Variants in NCOR2 observed in about 807,000 individuals in gnomAD.
The protein encoded by NCOR2 is nuclear receptor corepressor 2.
NCOR2 carries 81 observed loss-of-function variants against 262.9 expected under a neutral mutation model. The observed-to-expected ratio is 0.31, with a 90% CI of 0.26 to 0.37. NCOR2 has a LOEUF of 0.37. Among genes scored for constraint, NCOR2 ranks in the 10% least tolerant of loss-of-function variants. The pLI, the probability that NCOR2 is intolerant of heterozygous loss-of-function variation, is 1.00. For synonymous variants in NCOR2, 1,659 were observed against 1,559.3 expected (o/e 1.06, Z -1.51); for missense variants, 3,385 against 3,621.4 (o/e 0.93, Z 1.68).
rs537783080 is a variant in NCOR2 at position 124,523,138 on chromosome 12, C to A, written c.-118+12427G>T. Among the ~76,000 whole-genome samples the A allele has an allele frequency of 6.6e-6, 1 of 152,232 alleles. No homozygotes were observed. The highest frequency in any genetic ancestry group is 2.4e-5 in the African/African-American group (1 of 41,462). ...GACCACGTTGGCTAAGGGAAGCCAACGGTACTCCAGGGCTGTTTTTCTGCA... is the reference window on the plus strand; with the variant it reads ...GACCACGTTGGCTAAGGGAAGCCAAAGGTACTCCAGGGCTGTTTTTCTGCA... On this transcript the variant is annotated intron_variant, in intron 1 of 46. Coordinates refer to the NCOR2 transcript ENST00000404621. This position sits in a 1 kb window ranked among gnomAD's most constrained non-coding sequence, Gnocchi z 4.0.
intron 5 of NCOR2, among the ~76,000 whole-genome samples, chr12:124,458,782 C>T (rs1276089043): frequency 6.6e-6 from 1 of 152,156 alleles, no homozygotes; most frequent in East Asian, 1.9e-4. Context: ...GCAGGACCAC[C>T]CCTAGGCTTG....
intron 33 of NCOR2, among the ~76,000 whole-genome samples, chr12:124,342,636 G>A (rs1218967290): frequency 6.6e-6 from 1 of 152,156 alleles, no homozygotes; most frequent in Non-Finnish European, 1.5e-5. Flanking sequence ...CCAAAGTGCT[G>A]GGATTACAGG....
Position 124,332,508 on chromosome 12 carries a change from G to A in NCOR2, c.6756-41C>T, listed in dbSNP as rs375628700. ...ACCTCACATCAGCTCACTTGGTGCC[G>A]AGCTTGCATGCCTTTGATGATGGGG... On this transcript the variant is annotated intron_variant, in intron 42 of 46. Transcript: ENST00000405201. 1.1e-4 allele frequency: 184 copies of A among 1,612,942 alleles called. 1 individual carries two copies. The highest frequency in any genetic ancestry group is 4.0e-4 in the East Asian group (18 of 44,848).
At chr12:124,380,051 T>A (rs1007637553) in intron 17 of NCOR2, among the ~76,000 whole-genome samples, 2 of 152,194 alleles carry the variant, frequency 1.3e-5, no homozygotes, top group African/African-American at 4.8e-5. Flanking sequence ...AAGCCACCGG[T>A]CTGTGGTACT....
chr12:124,354,472 C>A lies in NCOR2; in HGVS notation c.3589+6G>T. The A allele has an allele frequency of 6.5e-7, 1 of 1,527,218 alleles. No homozygotes were observed. The highest frequency in any genetic ancestry group is 1.3e-5 in the South Asian group (1 of 79,776). The allele number at this position is 1,527,218 out of a possible 1,614,324, so 94.6% of individuals were successfully genotyped here. On this transcript the variant is annotated splice_donor_region_variant and intron_variant, in intron 26 of 46. Coordinates refer to ENST00000405201, the Ensembl canonical transcript of NCOR2. Reference sequence around the variant, plus strand: ...TGCTGGGGGCCCAGGGCAGAAGGGCCCTCACCTCTCAGCACGGACGCCTCC... The same window carrying A: ...TGCTGGGGGCCCAGGGCAGAAGGGCACTCACCTCTCAGCACGGACGCCTCC...
chr12:124,404,789 C>T (rs1191577176), intron 13 of NCOR2, among the ~76,000 whole-genome samples: 7 of 152,294 alleles, frequency 4.6e-5, no homozygotes, highest in East Asian at 3.9e-4. Flanking sequence ...TTCTATGGGC[C>T]GGCTCCTGGC....
At chr12:124,372,697 C>T (rs970396514) in intron 19 of NCOR2, 87 bp from the exon 22 acceptor site, 18 of 1,209,538 alleles carry the variant, frequency 1.5e-5, no homozygotes, top group Middle Eastern at 2.5e-4. Context: ...CCGGATGAGG[C>T]CGCTCTGTCG....
intron 1 of NCOR2, among the ~76,000 whole-genome samples, chr12:124,508,566 G>A (rs1229150113): frequency 1.3e-5 from 2 of 152,170 alleles, no homozygotes; most frequent in Non-Finnish European, 2.9e-5. Context: ...GGGGGTGACC[G>A]CAGCTCAGCC....
At chr12:124,383,644 C>T (rs533107030) in intron 17 of NCOR2, 36 of 198,076 alleles carry the variant, frequency 1.8e-4, no homozygotes, top group Admixed American at 3.0e-4. Context: ...GTCGCCCTCC[C>T]GGAGCGCTGC....
Position 124,483,883 on chromosome 12 carries a change from G to C in NCOR2, c.234-110C>G. On this transcript the variant is annotated intron_variant, in intron 2 of 46. Coordinates refer to ENST00000405201, the Ensembl canonical transcript of NCOR2. The surrounding 1 kb of genome is among the most constrained non-coding windows in gnomAD (Gnocchi z 6.3). ...ATCTACTGCGCGCCGTGCTCTGTAT[G>C]ATCCTGCCAGGAAGGTGCTCACAGG... The C allele has an allele frequency of 7.8e-7, 1 of 1,288,848 alleles. No individual in the cohort carries two copies. The highest frequency in any genetic ancestry group is 1.0e-6 in the Non-Finnish European group (1 of 978,370). 79.8% of individuals were successfully genotyped at this position (1,288,848 alleles called of 1,614,324 possible). A position where few individuals can be genotyped will look rare whatever the true frequency, so the allele number is the denominator to read the frequency against.
intron 1 of NCOR2, among the ~76,000 whole-genome samples, chr12:124,507,119 T>C (rs2049090725): frequency 1.3e-5 from 2 of 152,182 alleles, no homozygotes; most frequent in African/African-American, 2.4e-5. Flanking sequence ...CACTGTGCGA[T>C]TCCACTCGTA....
rs1479797817 is a variant in NCOR2 at position 124,473,657 on chromosome 12, C to T, written c.412-526G>A. ...GACTAATGTAGTTGCCAACTTTTTG[C>T]CTGCTGCCATCCATGTAAGATGTGA... On this transcript the variant is annotated intron_variant, in intron 3 of 46. Coordinates refer to ENST00000405201, the Ensembl canonical transcript of NCOR2. 5.9e-5 allele frequency among the ~76,000 whole-genome samples: 9 copies of T among 152,244 alleles called. No individual in the cohort carries two copies. In the East Asian group the frequency reaches 1.7e-3, roughly 29 times the overall value.
intron 44 of NCOR2, chr12:124,329,243 T>C: frequency 4.6e-6 from 2 of 437,714 alleles, no homozygotes; most frequent in South Asian, 3.3e-5. Flanking sequence ...GGGTGGATCA[T>C]CTGACGTCAG....
chr12:124,402,629 G>C, intron 13 of NCOR2, 68 bp from the exon 16 acceptor site: 1 of 1,538,856 alleles, frequency 6.5e-7, no homozygotes, highest in East Asian at 2.4e-5. Context: ...GTGAATCTCT[G>C]CACCTGGGCT....
At chr12:124,499,942 A>G (rs1242999), upstream of NCOR2, among the ~76,000 whole-genome samples, 39,068 of 151,980 alleles carry the variant, frequency 0.26, 5,341 homozygotes, top group Non-Finnish European at 0.3. Context: ...GGGCAGGTGG[A>G]TGAAAGTCAG....
At chr12:124,394,662 G>A (rs559545470) in intron 16 of NCOR2, among the ~76,000 whole-genome samples, 2 of 152,352 alleles carry the variant, frequency 1.3e-5, no homozygotes, top group South Asian at 4.1e-4. Flanking sequence ...GGACTGCCAA[G>A]GCTGCAGGCA....
intron 4 of NCOR2, among the ~76,000 whole-genome samples, chr12:124,469,524 C>T (rs2046718983): frequency 6.6e-6 from 1 of 152,150 alleles, no homozygotes. Context: ...GGCCCTTCCT[C>T]AGGTACTAGA....
At chr12:124,359,143 C>T (rs936888767) in intron 22 of NCOR2, among the ~76,000 whole-genome samples, 4 of 152,342 alleles carry the variant, frequency 2.6e-5, no homozygotes, top group South Asian at 2.1e-4. Context: ...GCTGGCCTCT[C>T]GCCCTTTGCT....
chr12:124,557,780 CCT>C (rs1212252793), intron 1 of NCOR2, among the ~76,000 whole-genome samples: 1 of 152,180 alleles, frequency 6.6e-6, no homozygotes, highest in Non-Finnish European at 1.5e-5. Flanking sequence ...CGCTTGCCTT[CCT>C]CCCCTGGTTT....
Sources: gnomAD v4.1 joint callset for allele counts (sites outside exome capture counted in the v4.1 genomes callset) on GRCh38, gnomAD v4.1.1 for gene constraint, Gnocchi (gnomAD v3.1) non-coding constraint, MANE v1.5 for transcripts, NCBI Gene and HGNC (gene_info 2026-07-23, HGNC 2026-07-21) for gene names.